The following VAC14 variants were observed in gnomAD, a reference collection of about 807,000 sequenced individuals.
VAC14 encodes VAC14 component of PIKFYVE complex, also known as protein VAC14 homolog.
Under a neutral mutation model 85.3 loss-of-function variants are expected in VAC14, and 47 were observed. The observed-to-expected ratio is 0.55, with a 90% CI of 0.44 to 0.70. The LOEUF (loss-of-function observed/expected upper bound fraction) is 0.70. Ranked by LOEUF, VAC14 falls within the 30% of genes least tolerant of loss-of-function variation. The probability of loss-of-function intolerance (pLI) is 0.00; values close to 1 mark genes in which losing one functional copy is unlikely to be tolerated. For synonymous variants in VAC14, 447 were observed against 430.5 expected (o/e 1.04, Z -0.47); for missense variants, 861 against 1,004.3 (o/e 0.86, Z 1.93).
In VAC14 at chr16:70,687,566, T is replaced by C. The variant is rs181980153; in HGVS notation, c.*362A>G. ...ACACACAGGCATGTGTTCACGTATGTATACATATACACACAAGGCCAGAGC... is the reference window on the plus strand; with the variant it reads ...ACACACAGGCATGTGTTCACGTATGCATACATATACACACAAGGCCAGAGC... On this transcript the variant is annotated 3_prime_UTR_variant, in exon 19 of 19. Transcript: ENST00000261776. 1.6e-5 allele frequency: 3 copies of C among 190,916 alleles called. No individual in the cohort carries two copies. The highest frequency in any genetic ancestry group is 2.3e-5 in the African/African-American group (1 of 42,894). The allele number at this position is 190,916 out of a possible 1,614,324, so 11.8% of individuals were successfully genotyped here. A position where few individuals can be genotyped will look rare whatever the true frequency, so the allele number is the denominator to read the frequency against.
chr16:70,781,754 G>A, intron 8 of VAC14, 115 bp downstream of exon 8: 1 of 1,410,156 alleles, frequency 7.1e-7, no homozygotes, highest in Non-Finnish European at 9.6e-7. Flanking sequence ...AGCTGCTAGG[G>A]ACTATGGAAG....
rs554834731 is a variant in VAC14, at chr16:70,762,835, G to A, written c.1305+46C>T. 79 of 1,612,700 alleles carry A rather than the reference G, an allele frequency of 4.9e-5. No homozygotes were observed. The South Asian group carries it at 8.3e-4, about 17-fold the overall frequency. On this transcript the variant is annotated intron_variant, in intron 11 of 18. Transcript: ENST00000261776. The surrounding 1 kb of genome is among the most constrained non-coding windows in gnomAD (Gnocchi z 4.1). ...CTATGGGCAGGCCCTGGAAAACCAA[G>A]GCGGACCCAGAAGAGGCCCCTGGCT...
intron 1 of VAC14, among the ~76,000 whole-genome samples, chr16:70,788,164 G>A (rs746412426): frequency 6.6e-6 from 1 of 152,230 alleles, no homozygotes; most frequent in Non-Finnish European, 1.5e-5. Flanking sequence ...CAGCTCAGGA[G>A]CTTTCTAATA....
At chr16:70,693,897 G>GGC (rs2053651326) in intron 17 of VAC14, among the ~76,000 whole-genome samples, 1 of 152,218 alleles carries the variant, frequency 6.6e-6, no homozygotes, top group Admixed American at 6.5e-5. Context: ...CTGAGCACCA[G>GGC]GCCTTAGGGC....
intron 1 of VAC14, among the ~76,000 whole-genome samples, chr16:70,797,124 A>G (rs1346949076): frequency 3.3e-5 from 5 of 152,220 alleles, no homozygotes; most frequent in Admixed American, 2.6e-4. Flanking sequence ...TATGGGTCTT[A>G]CTGAGCTAAA....
At position 70,687,815 on chromosome 16, in the gene VAC14, TGGCAG is replaced by T; in HGVS notation, c.*108_*112del. ...CTCCGGCCCCAACACTGCCCTGGGT[TGGCAG>T]GCCCAGCCCTGGTCCTGACAGGCAG... On this transcript the variant is annotated 3_prime_UTR_variant, in exon 19 of 19. Transcript: ENST00000261776. The T allele has an allele frequency of 8.4e-7, 1 of 1,195,580 alleles. No homozygotes were observed. Among genetic ancestry groups the T allele is most frequent in the Admixed American group, 4.0e-5 (1 of 25,236 alleles). The allele number at this position is 1,195,580 out of a possible 1,614,324, so 74.1% of individuals were successfully genotyped here.
intron 13 of VAC14, among the ~76,000 whole-genome samples, chr16:70,733,955 T>C (rs2054672103): frequency 6.6e-6 from 1 of 152,152 alleles, no homozygotes; most frequent in Non-Finnish European, 1.5e-5. Context: ...CCCAAGTAGC[T>C]GGGACTACAG....
chr16:70,692,396 A>G (rs2053613946), intron 18 of VAC14, among the ~76,000 whole-genome samples: 1 of 151,934 alleles, frequency 6.6e-6, no homozygotes, highest in Non-Finnish European at 1.5e-5. Context: ...GGGAGGGGCT[A>G]TGTGAGGCCT....
At position 70,744,502 on chromosome 16, in the gene VAC14, G is replaced by A. The variant is rs369390368; in HGVS notation, c.1449C>T (p.Leu483=). ...GGCTGGCCTGGAGGTCAGGGCCATC[G>A]AGGGGGCCTGGGTCATCCGTCTGGC... ...PAGQTDDPGP[L]DGPDLQASHS... The change falls in exon 13 of 19, where the codon CTC becomes CTT. Residue 483 remains leucine (L), a synonymous_variant. Coordinates refer to ENST00000261776, the MANE Select transcript of VAC14 (RefSeq NM_018052.5). 72 of 1,613,598 alleles carry A rather than the reference G, an allele frequency of 4.5e-5. No homozygotes were observed. Among genetic ancestry groups the A allele is most frequent in the Middle Eastern group, 1.7e-4 (1 of 6,054 alleles).
intron 12 of VAC14, among the ~76,000 whole-genome samples, chr16:70,760,962 G>GGTGTGTGTGTGTGTGTGTGT (rs10671938): frequency 8.4e-5 from 4 of 47,622 alleles, no homozygotes; most frequent in Admixed American, 2.6e-4. Context: ...ACGAAGAGAG[G>GGTGTGTGTGTGTGTGTGTGT]GTGTGTGTGT....
intron 18 of VAC14, 150 bp from the exon 19 acceptor site, chr16:70,688,240 C>A (rs1000758665): frequency 1.6e-6 from 2 of 1,276,540 alleles, no homozygotes; most frequent in Admixed American, 7.5e-5. Flanking sequence ...TCCGTCATGG[C>A]GGGCCCCAGA....
chr16:70,781,614 G>T (rs1487370528), intron 8 of VAC14, among the ~76,000 whole-genome samples: 1 of 152,154 alleles, frequency 6.6e-6, no homozygotes, highest in Non-Finnish European at 1.5e-5. Context: ...GAACTCAGAG[G>T]GTTGGAACTT....
chr16:70,703,219 C>T (rs1427499093), intron 14 of VAC14, among the ~76,000 whole-genome samples: 1 of 152,260 alleles, frequency 6.6e-6, no homozygotes, highest in African/African-American at 2.4e-5. Context: ...CAGTGGAGCA[C>T]AGCTTGCAAG....
Position 70,744,536 on chromosome 16 carries a change from G to A in VAC14, c.1415C>T (p.Ser472Phe), listed in dbSNP as rs1009013830. 6.2e-7 allele frequency: 1 copy of A among 1,610,866 alleles called. No homozygotes were observed. The highest frequency in any genetic ancestry group is 8.5e-7 in the Non-Finnish European group (1 of 1,178,924). Residue 472 changes from serine (S) to phenylalanine (F), a missense_variant, in exon 13 of 19, where the codon TCC becomes TTC. Around this residue, in one of 3 missense-constraint regions of VAC14, gnomAD observed 629 missense variants for 703.1 expected, o/e 0.89. Coordinates refer to ENST00000261776, the MANE Select transcript of VAC14 (RefSeq NM_018052.5). The part of the protein sequence containing the change: ...DLEVLAEIAS[S>F]PAGQTDDPGP... ...TGGGTCATCCGTCTGGCCTGCGGGG[G>A]AGGAAGCGATTTCTGCCAGCACCTC...
intron 12 of VAC14, among the ~76,000 whole-genome samples, chr16:70,757,683 G>C (rs2031982806): frequency 6.6e-6 from 1 of 152,202 alleles, no homozygotes; most frequent in South Asian, 2.1e-4. Flanking sequence ...GGAGGACCCG[G>C]AGCAGATGCA....
chr16:70,785,966 G>A (rs2034036264), intron 2 of VAC14, 97 bp from the exon 3 acceptor site: 3 of 1,419,334 alleles, frequency 2.1e-6, no homozygotes, highest in East Asian at 2.5e-5. Context: ...CCTTGAAGGT[G>A]CTCAGGCCTT....
At chr16:70,715,167 C>T (rs924233949) in intron 14 of VAC14, 5 of 152,286 alleles carry the variant, frequency 3.3e-5, no homozygotes, top group Non-Finnish European at 5.9e-5. Flanking sequence ...GGGGACTGGT[C>T]TCTGGGCTTC....
intron 1 of VAC14, among the ~76,000 whole-genome samples, chr16:70,799,208 T>A (rs899167526): frequency 3.9e-5 from 6 of 152,156 alleles, no homozygotes; most frequent in Non-Finnish European, 8.8e-5. Flanking sequence ...CAAGGCAACT[T>A]CAAAGCCAAC....
chr16:70,703,238 A>C (rs1351031717), intron 14 of VAC14, among the ~76,000 whole-genome samples: 1 of 152,216 alleles, frequency 6.6e-6, no homozygotes, highest in African/African-American at 2.4e-5. Flanking sequence ...AGCATTAAAC[A>C]TGTGCCCATA....
Sources: gnomAD v4.1 joint callset for allele counts (sites outside exome capture counted in the v4.1 genomes callset) on GRCh38, gnomAD v4.1.1 for gene constraint, gnomAD v4.1.1 regional missense constraint, Gnocchi (gnomAD v3.1) non-coding constraint, MANE v1.5 for transcripts, NCBI Gene and HGNC (gene_info 2026-07-23, HGNC 2026-07-21) for gene names.